The following NLRC4 variants were observed in gnomAD, a reference collection of about 807,000 sequenced individuals.
NLRC4 encodes the protein NLR family CARD domain containing 4.
Under a neutral mutation model 79.9 loss-of-function variants are expected in NLRC4, and 63 were observed. The observed-to-expected ratio is 0.79, with a 90% confidence interval of 0.64 to 0.97. The LOEUF (loss-of-function observed/expected upper bound fraction) is 0.97. Ranked by LOEUF, NLRC4 falls within the 50% of genes least tolerant of loss-of-function variation. The pLI, the probability that NLRC4 is intolerant of heterozygous loss-of-function variation, is 0.00. For missense variants in NLRC4, 1,074 were observed against 1,215.2 expected, an observed-to-expected ratio of 0.88 and a Z score of 1.73; for synonymous variants, 461 against 456.5, an observed-to-expected ratio of 1.01 and a Z score of -0.12.
chr2:32,225,301 C>T (rs762241844), intron 8 of NLRC4, among the ~76,000 whole-genome samples: 17 of 152,080 alleles, frequency 1.1e-4, no homozygotes, highest in Non-Finnish European at 1.3e-4. Context: ...GGAAGTTCCT[C>T]CATTCCTTAC....
Position 32,250,949 on chromosome 2 carries a change from G to C in NLRC4, c.915C>G (p.Ala305=). 1 of 1,613,952 alleles carries C rather than the reference G, an allele frequency of 6.2e-7. No individual in the cohort carries two copies. The highest frequency in any genetic ancestry group is 1.1e-5 in the South Asian group (1 of 91,060). Residue 305 remains alanine, a synonymous_variant, in exon 4 of 9, where the codon GCC becomes GCG. Coordinates refer to ENST00000402280, the MANE Select transcript of NLRC4 (RefSeq NM_001199138.2). The surrounding 1 kb of genome is among the most constrained non-coding windows in gnomAD (Gnocchi z 4.9). ...AEVGDMTEDS[A]QALIREVLIK... ...TCAGCACTTCTCGGATGAGAGCCTG[G>C]GCGCTGTCTTCTGTCATATCCCCCA...
intron 1 of NLRC4, 115 bp from the exon 2 acceptor site, chr2:32,257,008 A>G: frequency 2.0e-6 from 1 of 488,540 alleles, no homozygotes; most frequent in Non-Finnish European, 3.7e-6. Context: ...CCAGAAAAAA[A>G]CTCGCTCAAA....
chr2:32,239,175 G>A (rs901984907), intron 5 of NLRC4, among the ~76,000 whole-genome samples: 12 of 152,098 alleles, frequency 7.9e-5, no homozygotes, highest in Admixed American at 2.6e-4. Context: ...CAGCTACTTC[G>A]GAGGTTGAGG....
chr2:32,252,745 A>C (rs1687109632), intron 2 of NLRC4, 66 bp from the exon 3 acceptor site: 1 of 1,397,920 alleles, frequency 7.2e-7, no homozygotes, highest in African/African-American at 1.4e-5. Flanking sequence ...CCGGCTGGGC[A>C]CGGTGGCTCA....
Position 32,224,648 on chromosome 2 carries a change from A to G in NLRC4, c.2900T>C (p.Leu967Ser), listed in dbSNP as rs761511208. The change falls in exon 9 of 9, where the codon TTA becomes TCA. Residue 967 changes from leucine (L) to serine (S), a missense_variant. Leu to Ser is a moderately radical substitution (Grantham distance 145, BLOSUM62 -2). Coordinates refer to ENST00000402280, the MANE Select transcript of NLRC4 (RefSeq NM_001199138.2). ...TTTAGTACTAAAGTCAAAAAACACT[A>G]ATTGCTTAAGATTCTCAAATACACC... Reference protein sequence around the residue: ...FMGVFENLKQLVFFDFSTKEF... With the variant: ...FMGVFENLKQSVFFDFSTKEF... 18 of 1,613,434 alleles carry G rather than the reference A, an allele frequency of 1.1e-5. No individual in the cohort carries two copies. The highest frequency in any genetic ancestry group is 1.4e-5 in the Non-Finnish European group (17 of 1,179,478).
intron 8 of NLRC4, among the ~76,000 whole-genome samples, chr2:32,232,581 TCA>T (rs1250127201): frequency 1.3e-5 from 2 of 152,200 alleles, no homozygotes; most frequent in African/African-American, 2.4e-5. Flanking sequence ...ATTGCATCTA[TCA>T]CACACATCCA....
chr2:32,240,638 G>A (rs1686777638), intron 5 of NLRC4, among the ~76,000 whole-genome samples: 1 of 152,034 alleles, frequency 6.6e-6, no homozygotes, highest in Non-Finnish European at 1.5e-5. Flanking sequence ...ATTGTTTCCT[G>A]TGTCCTATTT....
intron 4 of NLRC4, among the ~76,000 whole-genome samples, chr2:32,243,521 G>A (rs150457817): frequency 4.0e-5 from 6 of 151,798 alleles, no homozygotes; most frequent in South Asian, 2.1e-4. Context: ...AGAATATTAC[G>A]GCAGGCGTGG....
intron 1 of NLRC4, 44 bp from the exon 2 acceptor site, chr2:32,256,937 G>A (rs138562539): frequency 1.8e-6 from 1 of 570,600 alleles, no homozygotes; most frequent in African/African-American, 1.9e-5. Context: ...CAGGTGGAGG[G>A]GCTGATGCAA....
chr2:32,244,075 AC>A (rs1686873145), intron 4 of NLRC4, among the ~76,000 whole-genome samples: 2 of 152,094 alleles, frequency 1.3e-5, no homozygotes, highest in African/African-American at 4.8e-5. Flanking sequence ...CATAGCGAGA[AC>A]TCGTCTCTAC....
chr2:32,236,210 T>C (rs1201195653), intron 7 of NLRC4, 37 bp downstream of exon 7: 1 of 1,323,748 alleles, frequency 7.6e-7, no homozygotes, highest in African/African-American at 1.5e-5. Context: ...AGTATACATA[T>C]TCAAGTATCT....
Position 32,255,921 on chromosome 2 carries a change from G to A in NLRC4, c.1+854C>T, listed in dbSNP as rs1023304622. On this transcript the variant is annotated intron_variant, in intron 2 of 8. Transcript: ENST00000402280. ...CCCAGCTACTCAGGAGGCTGAGGCA[G>A]AAGCATCGCTTGAACCCAGGAGGTG... is the stretch of plus-strand genomic sequence containing the variant. Among the ~76,000 whole-genome samples, 9 of 151,910 alleles carry A rather than the reference G, an allele frequency of 5.9e-5. No individual in the cohort carries two copies. The South Asian group carries it at 1.9e-3, about 32-fold the overall frequency.
At chr2:32,256,164 T>C (rs61687988) in intron 2 of NLRC4, among the ~76,000 whole-genome samples, 2,409 of 152,308 alleles carry the variant, frequency 0.016, 67 homozygotes, top group African/African-American at 0.053. Flanking sequence ...TCATTAATTA[T>C]TCATTCTTTT....
chr2:32,236,991 C>G (rs974091931), intron 6 of NLRC4, among the ~76,000 whole-genome samples: 1 of 152,066 alleles, frequency 6.6e-6, no homozygotes, highest in Non-Finnish European at 1.5e-5. Context: ...TTTTTTAAAG[C>G]AAGACCCAGT....
intron 1 of NLRC4, among the ~76,000 whole-genome samples, chr2:32,261,147 C>A (rs927717669): frequency 2.7e-5 from 4 of 149,606 alleles, no homozygotes; most frequent in Non-Finnish European, 5.9e-5. Flanking sequence ...GAGCCGAGAT[C>A]GCAGCACTGC....
At chr2:32,236,133 G>A (rs1287934728) in intron 7 of NLRC4, 114 bp downstream of exon 7, 1 of 597,794 alleles carries the variant, frequency 1.7e-6, no homozygotes, top group East Asian at 3.0e-5. Flanking sequence ...CCTAAGGAGG[G>A]TGCATCTAGT....
intron 8 of NLRC4, among the ~76,000 whole-genome samples, chr2:32,233,839 ATTCTC>A (rs1686610774): frequency 6.6e-6 from 1 of 152,028 alleles, no homozygotes; most frequent in Non-Finnish European, 1.5e-5. Context: ...TTCTTTGTTG[ATTCTC>A]TGTCTGGGAG....
At chr2:32,259,262 ATTTTTTTTTTT>A (rs57570626) in intron 1 of NLRC4, among the ~76,000 whole-genome samples, 22 of 52,878 alleles carry the variant, frequency 4.2e-4, no homozygotes, top group Admixed American at 1.1e-3. Flanking sequence ...TGCCTGGCTA[ATTTTTTTTTTT>A]TTTTTTTTTT....
intron 8 of NLRC4, among the ~76,000 whole-genome samples, chr2:32,234,104 G>A (rs543186535): frequency 2.0e-5 from 3 of 152,230 alleles, no homozygotes; most frequent in Admixed American, 6.5e-5. Context: ...AAATAGGGCC[G>A]GGTGCGGTGG....
Sources: allele counts gnomAD v4.1 joint callset (sites outside exome capture counted in the v4.1 genomes callset), GRCh38; gene constraint gnomAD v4.1.1; non-coding constraint Gnocchi (gnomAD v3.1); transcripts MANE v1.5; gene names NCBI Gene and HGNC (gene_info 2026-07-23, HGNC 2026-07-21).